Variants in PCDHA1 observed in about 807,000 individuals in gnomAD.
The protein encoded by PCDHA1 is protocadherin alpha-1.
PCDHA1 carries 42 observed loss-of-function variants against 61.3 expected under a neutral mutation model. The observed-to-expected ratio is 0.69, with a 90% CI of 0.54 to 0.89. The LOEUF is 0.89. Ranked by LOEUF, PCDHA1 falls within the 40% of genes least tolerant of loss-of-function variation. The probability of loss-of-function intolerance (pLI) is 0.00; values close to 1 mark genes in which losing one functional copy is unlikely to be tolerated. For synonymous variants in PCDHA1, 610 were observed against 553.8 expected (o/e 1.10, Z -1.43); for missense variants, 1,256 against 1,235.3 (o/e 1.02, Z -0.25).
rs199811254 is a variant in PCDHA1 at position 140,877,222 on chromosome 5, T to C, written c.2394+88538T>C. 9.3e-5 allele frequency: 150 copies of C among 1,613,562 alleles called. No homozygotes were observed. Among genetic ancestry groups the C allele is most frequent in the Admixed American group, 2.2e-4 (13 of 59,972 alleles). Reference sequence around the variant, plus strand: ...CGCAGTTAGCGAGTTGGTACCGCGGTCGGTGGGTGCGGGCCACGTGGTGGC... The same window carrying C: ...CGCAGTTAGCGAGTTGGTACCGCGGCCGGTGGGTGCGGGCCACGTGGTGGC... On this transcript the variant is annotated intron_variant, in intron 1 of 3. Transcript: ENST00000504120.
chr5:140,969,354 T>G, intron 1 of PCDHA1: 1 of 1,612,552 alleles, frequency 6.2e-7, no homozygotes. Context: ...TCAGGGGGTC[T>G]TCTACAAACT....
At chr5:140,931,744 C>G (rs2087714665) in intron 1 of PCDHA1, among the ~76,000 whole-genome samples, 5 of 151,904 alleles carry the variant, frequency 3.3e-5, no homozygotes, top group Admixed American at 3.3e-4. Flanking sequence ...TTGTAATTCA[C>G]AAAGGCATTT....
intron 1 of PCDHA1, chr5:140,804,906 T>G (rs1763477016): frequency 4.7e-6 from 4 of 848,738 alleles, no homozygotes; most frequent in Non-Finnish European, 6.7e-6. Flanking sequence ...ACTTCCATTT[T>G]CTTTATTTCC....
chr5:140,884,500 G>C (rs782378726), intron 1 of PCDHA1: 10 of 1,614,004 alleles, frequency 6.2e-6, no homozygotes, highest in Admixed American at 3.3e-5. Flanking sequence ...GCTCCAGCGC[G>C]GCAGGGAGTT....
chr5:140,942,410 A>T (rs1047414912), intron 1 of PCDHA1, among the ~76,000 whole-genome samples: 3 of 142,238 alleles, frequency 2.1e-5, no homozygotes, highest in Non-Finnish European at 3.1e-5. Context: ...GACTCTGTTT[A>T]AAAAAAAAAA....
At chr5:140,801,317 G>A in intron 1 of PCDHA1, 3 of 1,613,362 alleles carry the variant, frequency 1.9e-6, no homozygotes, top group South Asian at 1.1e-5. Context: ...AGGAGGCCAA[G>A]CATGGCACCT....
At chr5:140,869,551 TCG>T in intron 1 of PCDHA1, 1 of 1,614,218 alleles carries the variant, frequency 6.2e-7, no homozygotes, top group Non-Finnish European at 8.5e-7. Context: ...GCAATCGGAC[TCG>T]CGTTTTCCAC....
At chr5:140,926,117 A>G (rs2082917656) in intron 1 of PCDHA1, among the ~76,000 whole-genome samples, 1 of 152,190 alleles carries the variant, frequency 6.6e-6, no homozygotes, top group Admixed American at 6.5e-5. Flanking sequence ...GGTGCAGGAC[A>G]GACTTCAACC....
chr5:140,941,214 C>CTTCTTTCTTTCTTT (rs1554214039), intron 1 of PCDHA1, among the ~76,000 whole-genome samples: 1 of 122,414 alleles, frequency 8.2e-6, no homozygotes. Flanking sequence ...TTTCTTTCTT[C>CTTCTTTCTTTCTTT]CTTTCTTTCT....
chr5:140,869,136 C>T (rs1554162510), intron 1 of PCDHA1: 5 of 1,613,054 alleles, frequency 3.1e-6, no homozygotes, highest in South Asian at 1.1e-5. Context: ...GATTGGGCAC[C>T]CCACGACTAC....
chr5:140,801,638 G>A (rs782515708), intron 1 of PCDHA1: 3 of 1,614,204 alleles, frequency 1.9e-6, no homozygotes, highest in South Asian at 2.2e-5. Context: ...AATCCCGACA[G>A]CCTGGCTCTC....
intron 1 of PCDHA1, chr5:140,803,738 C>G: frequency 7.1e-7 from 1 of 1,402,756 alleles, no homozygotes; most frequent in Non-Finnish European, 9.6e-7. Context: ...GTGGTTAAAA[C>G]GGTAAGATTT....
At chr5:140,835,810 C>T (rs2150245361) in intron 1 of PCDHA1, 3 of 1,612,990 alleles carry the variant, frequency 1.9e-6, no homozygotes, top group Non-Finnish European at 2.5e-6. Flanking sequence ...CACATCTTCA[C>T]TGTGTCGGCG....
intron 1 of PCDHA1, chr5:140,795,825 C>T (rs782460542): frequency 1.2e-6 from 2 of 1,613,680 alleles, no homozygotes; most frequent in South Asian, 2.2e-5. Flanking sequence ...ATGTGTCCTC[C>T]ACTATACAGA....
chr5:140,854,758 C>T (rs2150321610), intron 1 of PCDHA1: 1 of 149,590 alleles, frequency 6.7e-6, no homozygotes, highest in South Asian at 2.1e-4. Context: ...ATTACATTTT[C>T]ATTCCTGAAT....
intron 1 of PCDHA1, chr5:140,835,273 C>T: frequency 6.2e-7 from 1 of 1,610,738 alleles, no homozygotes; most frequent in South Asian, 1.1e-5. Flanking sequence ...CACATGGACC[C>T]CTTAAGTGGG....
chr5:140,980,239 A>G (rs1453927657), intron 2 of PCDHA1, among the ~76,000 whole-genome samples: 1 of 152,230 alleles, frequency 6.6e-6, no homozygotes, highest in Non-Finnish European at 1.5e-5. Flanking sequence ...TGGTGGAGAC[A>G]TGCAATGGGT....
chr5:140,885,335 A>T (rs183720535), intron 1 of PCDHA1, among the ~76,000 whole-genome samples: 2 of 152,246 alleles, frequency 1.3e-5, no homozygotes, highest in East Asian at 3.9e-4. Context: ...CCAAAGTTTG[A>T]AGGGATTTCC....
chr5:140,808,824 G>A lies in PCDHA1; in HGVS notation c.2394+20140G>A, dbSNP rs142005186. On this transcript the variant is annotated intron_variant, in intron 1 of 3. Coordinates refer to ENST00000504120, the MANE Select transcript of PCDHA1 (RefSeq NM_018900.4). Reference sequence around the variant, plus strand: ...CGCGATGCCGGCGTGCCACCTCTGGGCAGCAACGTGACGCTGCAGGTGTTC... The same window carrying A: ...CGCGATGCCGGCGTGCCACCTCTGGACAGCAACGTGACGCTGCAGGTGTTC... 43 of 1,612,884 alleles carry A rather than the reference G, an allele frequency of 2.7e-5. No homozygotes were observed. In the African/African-American group the frequency reaches 5.2e-4, roughly 19 times the overall value.
Sources: allele counts gnomAD v4.1 joint callset (sites outside exome capture counted in the v4.1 genomes callset), GRCh38; gene constraint gnomAD v4.1.1; transcripts MANE v1.5; gene names NCBI Gene and HGNC (gene_info 2026-07-23, HGNC 2026-07-21).